Variants in EIF4E3 observed in about 807,000 individuals in gnomAD.
EIF4E3 encodes the protein eukaryotic translation initiation factor 4E type 3.
A neutral mutation model predicts 31.7 loss-of-function variants in EIF4E3; 26 were observed. The ratio of observed to expected loss-of-function variants is 0.82; its 90% CI spans 0.60 to 1.14. The LOEUF is 1.14. Among genes scored for constraint, EIF4E3 ranks in the 50% most tolerant of loss-of-function variants. The pLI is 0.00. For missense variants in EIF4E3, 304 were observed against 270.9 expected, an observed-to-expected ratio of 1.12 and a Z score of -0.86; for synonymous variants, 128 against 107.7, an observed-to-expected ratio of 1.19 and a Z score of -1.17.
At chr3:71,671,811 TTTTTTTGGAAGCC>T (rs2048848880), downstream of EIF4E3, among the ~76,000 whole-genome samples, 1 of 152,164 alleles carries the variant, frequency 6.6e-6, no homozygotes, top group Non-Finnish European at 1.5e-5. Flanking sequence ...CCTCCATTTT[TTTTTTTGGAAGCC>T]TTTTTGGGAA....
At position 71,675,705 on chromosome 3, in the gene EIF4E3, A is replaced by G. The variant is rs2048870230; in HGVS notation, c.*8977T>C. The G allele has an allele frequency of 6.6e-6, 1 of 152,220 alleles. No individual in the cohort carries two copies. Among genetic ancestry groups the G allele is most frequent in the Non-Finnish European group, 1.5e-5 (1 of 68,032 alleles). The allele number at this position is 152,220 out of a possible 1,614,324, so 9.4% of individuals were successfully genotyped here. A position where few individuals can be genotyped will look rare whatever the true frequency, so the allele number is the denominator to read the frequency against. ...GGTCATTTCTTCATCTGTAAAATGA[A>G]AAGTTTGAACTAGGCCAGTGATTTT... On this transcript the variant is annotated 3_prime_UTR_variant, in exon 7 of 7. Transcript: ENST00000425534.
chr3:71,743,800 A>T (rs1559614839), intron 1 of EIF4E3, among the ~76,000 whole-genome samples: 1 of 152,136 alleles, frequency 6.6e-6, no homozygotes, highest in Non-Finnish European at 1.5e-5. Context: ...CCAGGAAAAG[A>T]CCCACACATA....
downstream of EIF4E3, among the ~76,000 whole-genome samples, chr3:71,671,621 A>T (rs1350765910): frequency 6.6e-6 from 1 of 152,102 alleles, no homozygotes; most frequent in Non-Finnish European, 1.5e-5. Context: ...CACTCCGCAT[A>T]CTTAACCATC....
intron 1 of EIF4E3, among the ~76,000 whole-genome samples, chr3:71,736,389 T>G (rs2049763875): frequency 6.6e-6 from 1 of 152,208 alleles, no homozygotes; most frequent in Admixed American, 6.5e-5. Context: ...ATGCCATAAC[T>G]TGAAAGGAGA....
intron 1 of EIF4E3, among the ~76,000 whole-genome samples, chr3:71,746,580 G>A (rs1242537248): frequency 6.6e-6 from 1 of 152,144 alleles, no homozygotes; most frequent in East Asian, 1.9e-4. Flanking sequence ...CCATAACTAG[G>A]AGTTCATGTT....
At chr3:71,748,444 C>T (rs918785443) in intron 1 of EIF4E3, among the ~76,000 whole-genome samples, 2 of 152,006 alleles carry the variant, frequency 1.3e-5, no homozygotes, top group African/African-American at 4.8e-5. Context: ...TCACCCTCTT[C>T]CAGAGTATAT....
chr3:71,696,397 G>C, intron 4 of EIF4E3, 63 bp downstream of exon 4: 1 of 1,585,750 alleles, frequency 6.3e-7, no homozygotes. Context: ...ACAAAATGCT[G>C]ATGACAGGCA....
intron 1 of EIF4E3, among the ~76,000 whole-genome samples, chr3:71,732,522 G>C (rs995776803): frequency 1.3e-5 from 2 of 152,204 alleles, no homozygotes; most frequent in African/African-American, 4.8e-5. Flanking sequence ...GTAATGATTT[G>C]TATAACCAAC....
At chr3:71,697,419 G>C (rs1440826821) in intron 3 of EIF4E3, among the ~76,000 whole-genome samples, 1 of 152,168 alleles carries the variant, frequency 6.6e-6, no homozygotes, top group Admixed American at 6.5e-5. Context: ...ATTTCCTTGT[G>C]TTAGGAACAT....
intron 1 of EIF4E3, among the ~76,000 whole-genome samples, chr3:71,736,838 T>C (rs567970917): frequency 6.6e-6 from 1 of 152,324 alleles, no homozygotes; most frequent in Admixed American, 6.5e-5. Flanking sequence ...ATAGGCTCCT[T>C]GATTATAAAA....
Position 71,749,419 on chromosome 3 carries a change from G to A in EIF4E3, c.-291+4044C>T, listed in dbSNP as rs566655363. 3.3e-5 allele frequency among the ~76,000 whole-genome samples: 5 copies of A among 152,326 alleles called. No individual in the cohort carries two copies. The South Asian group carries it at 6.2e-4, about 19-fold the overall frequency. ...CCTTTGATAATCCAACATCCACTGG[G>A]CCTAGACTTTGGCTCACTTTTTCTA... On this transcript the variant is annotated intron_variant, in intron 1 of 7. Transcript: ENST00000295612.
intron 1 of EIF4E3, among the ~76,000 whole-genome samples, chr3:71,720,419 T>C (rs937057618): frequency 6.6e-6 from 1 of 152,004 alleles, no homozygotes; most frequent in African/African-American, 2.4e-5. Flanking sequence ...GGTCTCAAAC[T>C]CCTGGCCTCA....
the EIF4E3 span, among the ~76,000 whole-genome samples, chr3:71,659,643 A>G: frequency 1.3e-5 from 2 of 152,188 alleles, no homozygotes; most frequent in Non-Finnish European, 2.9e-5. Context: ...TAAAACTTTT[A>G]TCAGGGTAGA....
At chr3:71,729,798 A>ATGTGTGTGTGTG (rs3066626), upstream of EIF4E3, among the ~76,000 whole-genome samples, 9,231 of 129,570 alleles carry the variant, frequency 0.071, 545 homozygotes, top group East Asian at 0.12. Context: ...TTCCAATAGA[A>ATGTGTGTGTGTG]TGTGTGTGTG....
At chr3:71,664,139 G>A in the EIF4E3 span, among the ~76,000 whole-genome samples, 1 of 152,112 alleles carries the variant, frequency 6.6e-6, no homozygotes, top group Non-Finnish European at 1.5e-5. Flanking sequence ...AGGGCAATGG[G>A]GAGCCACTGC....
At chr3:71,708,041 T>A (rs2049320273) in intron 2 of EIF4E3, among the ~76,000 whole-genome samples, 1 of 151,880 alleles carries the variant, frequency 6.6e-6, no homozygotes, top group Non-Finnish European at 1.5e-5. Context: ...TCCAGGCTAA[T>A]TTTTGTATTT....
chr3:71,723,614 C>G (rs2049584208), intron 1 of EIF4E3, among the ~76,000 whole-genome samples: 1 of 152,150 alleles, frequency 6.6e-6, no homozygotes, highest in African/African-American at 2.4e-5. Context: ...TAATTTTAGA[C>G]CTGTTTAAAA....
intron 1 of EIF4E3, among the ~76,000 whole-genome samples, chr3:71,723,286 CAGA>C (rs1052324356): frequency 1.3e-5 from 2 of 152,078 alleles, no homozygotes; most frequent in Non-Finnish European, 2.9e-5. Flanking sequence ...TGGATTCCCA[CAGA>C]AGGAGAAAAA....
At chr3:71,695,533 A>G (rs2108035820) in intron 4 of EIF4E3, among the ~76,000 whole-genome samples, 1 of 152,344 alleles carries the variant, frequency 6.6e-6, no homozygotes, top group African/African-American at 2.4e-5. Context: ...ATATTCCCTC[A>G]TTCTCTTATA....
Sources: allele counts gnomAD v4.1 joint callset (sites outside exome capture counted in the v4.1 genomes callset), GRCh38; gene constraint gnomAD v4.1.1; transcripts MANE v1.5; gene names NCBI Gene and HGNC (gene_info 2026-07-23, HGNC 2026-07-21).